The following COQ6 variants were observed in gnomAD, a reference collection of about 807,000 sequenced individuals.
COQ6 encodes coenzyme Q6, monooxygenase.
A neutral mutation model predicts 55.5 loss-of-function variants in COQ6; 45 were observed. The observed-to-expected ratio is 0.81, with a 90% CI of 0.64 to 1.04. The LOEUF is 1.04. Ranked by LOEUF, COQ6 falls within the 50% of genes least tolerant of loss-of-function variation. The pLI is 0.00. For synonymous variants in COQ6, 206 were observed against 230.5 expected, an observed-to-expected ratio of 0.89 and a Z score of 0.96; for missense variants, 550 against 601.3, an observed-to-expected ratio of 0.91 and a Z score of 0.89.
chr14:73,958,861 T>C (rs768973567), intron 5 of COQ6, 110 bp from the exon 6 acceptor site: 11 of 1,551,594 alleles, frequency 7.1e-6, no homozygotes, highest in Non-Finnish European at 9.6e-6. Flanking sequence ...GATGGAATTA[T>C]CCTGCCACAC....
Position 73,959,152 on chromosome 14 carries a change from T to C in COQ6, c.721-10T>C, listed in dbSNP as rs1176399323. ...ACTTCACAGAGAAACTTTTCTCCTC[T>C]CTGTTGCAGGCCACAGAAAACAACG... On this transcript the variant is annotated splice_polypyrimidine_tract_variant and intron_variant, in intron 6 of 11. Coordinates refer to ENST00000334571, the MANE Select transcript of COQ6 (RefSeq NM_182476.3). 3 of 1,614,220 alleles carry C rather than the reference T, an allele frequency of 1.9e-6. No individual in the cohort carries two copies. The highest frequency in any genetic ancestry group is 1.1e-5 in the South Asian group (1 of 91,082).
chr14:73,955,933 G>A lies in COQ6; in HGVS notation c.481+5G>A, dbSNP rs911987664. The A allele has an allele frequency of 6.2e-7, 1 of 1,613,816 alleles. No homozygotes were observed. The highest frequency in any genetic ancestry group is 8.5e-7 in the Non-Finnish European group (1 of 1,180,028). On this transcript the variant is annotated splice_donor_5th_base_variant and intron_variant, in intron 4 of 11. Transcript: ENST00000334571. ...AGCAGTTGGAGGCTGTGTCTGGTGA[G>A]GCCCCCATCTTCCACCTTGCATTCA...
In COQ6 at chr14:73,959,496, T is replaced by G; in HGVS notation, c.865T>G (p.Phe289Val). Residue 289 changes from phenylalanine to valine, a missense_variant, in exon 8 of 12, where the codon TTT (phenylalanine) becomes GTT (valine). Phe to Val is a conservative substitution (Grantham distance 50). Transcript: ENST00000334571. Reference protein sequence around the residue: ...AELVSMDEEKFVDAVNSAFWS... With the variant: ...AELVSMDEEKVVDAVNSAFWS... ...GCTAGTTAGCATGGATGAGGAAAAA[T>G]TTGTGGATGCCGTTAACTCTGCCTT... is the stretch of plus-strand genomic sequence containing the variant. The G allele has an allele frequency of 6.2e-7, 1 of 1,614,106 alleles. No individual in the cohort carries two copies. Among genetic ancestry groups the G allele is most frequent in the Non-Finnish European group, 8.5e-7 (1 of 1,180,014 alleles).
Position 73,961,903 on chromosome 14 carries a change from A to G in COQ6, c.1377A>G (p.Lys459=), listed in dbSNP as rs748908168. ...LQATNAVSPL[K]EQIMAFASK is the part of the protein sequence containing the mutation. Reference sequence around the variant, plus strand: ...CCACAAATGCAGTGTCTCCACTCAAAGTAAGAGGTTGCTCAGAGGAATGAC... The same window carrying G: ...CCACAAATGCAGTGTCTCCACTCAAGGTAAGAGGTTGCTCAGAGGAATGAC... The change falls in exon 11 of 12, where the codon AAA becomes AAG. Residue 459 remains lysine (K), a splice_region_variant and synonymous_variant. Coordinates refer to ENST00000334571, the MANE Select transcript of COQ6 (RefSeq NM_182476.3). The G allele has an allele frequency of 6.2e-7, 1 of 1,614,128 alleles. No homozygotes were observed. Among genetic ancestry groups the G allele is most frequent in the South Asian group, 1.1e-5 (1 of 91,080 alleles).
chr14:73,950,273 C>T (rs2056133398), upstream of COQ6: 1 of 1,539,416 alleles, frequency 6.5e-7, no homozygotes. Flanking sequence ...TGCTCTGCTC[C>T]GGACGCACTA....
chr14:73,961,267 G>A lies in COQ6; in HGVS notation c.986G>A (p.Arg329His), dbSNP rs147273831. 135 of 1,612,672 alleles carry A rather than the reference G, an allele frequency of 8.4e-5. No homozygotes were observed. In the African/African-American group the frequency reaches 1.0e-3, roughly 12 times the overall value. Residue 329 changes from arginine (R) to histidine (H), a missense_variant, in exon 9 of 12, where the codon CGC becomes CAC. Arg to His is a conservative substitution (Grantham distance 29). Transcript: ENST00000334571. ...CTGAAGCCCACTAAGGTCTCGGCTC[G>A]CCAGCTGCCCCCAAGCGTAGCCAGG... The part of the protein sequence containing the change: ...SLLKPTKVSA[R>H]QLPPSVARVD...
intron 2 of COQ6, 43 bp from the exon 3 acceptor site, chr14:73,955,408 T>A: frequency 6.6e-7 from 1 of 1,513,764 alleles, no homozygotes. Context: ...GGAGCCCAGG[T>A]CCTTGTGAAG....
Position 73,959,490 on chromosome 14 carries a change from G to A in COQ6, c.859G>A (p.Glu287Lys), listed in dbSNP as rs17851169. Residue 287 changes from glutamate (E) to lysine (K), a missense_variant, in exon 8 of 12, where the codon GAA (glutamate) becomes AAA (lysine). Physicochemically the swap from Glu to Lys is moderately conservative, Grantham distance 56. Transcript: ENST00000334571. ...AGCAGAGCTAGTTAGCATGGATGAGGAAAAATTTGTGGATGCCGTTAACTC... is the reference window on the plus strand; with the variant it reads ...AGCAGAGCTAGTTAGCATGGATGAGAAAAAATTTGTGGATGCCGTTAACTC... ...HAAELVSMDE[E>K]KFVDAVNSAF... 1 of 1,614,140 alleles carries A rather than the reference G, an allele frequency of 6.2e-7. No individual in the cohort carries two copies.
At chr14:73,952,998 C>T (rs2140365273) in intron 1 of COQ6, among the ~76,000 whole-genome samples, 1 of 152,292 alleles carries the variant, frequency 6.6e-6, no homozygotes, top group South Asian at 2.1e-4. Flanking sequence ...ATTCTTTATT[C>T]TTGGTTTAAT....
At chr14:73,961,033 T>C in intron 8 of COQ6, 140 bp from the exon 9 acceptor site, 1 of 964,774 alleles carries the variant, frequency 1.0e-6, no homozygotes, top group South Asian at 1.4e-5. Flanking sequence ...CTTGAGGGGC[T>C]TATCACTTGT....
intron 3 of COQ6, 86 bp downstream of exon 3, chr14:73,955,595 T>C (rs2056395311): frequency 3.6e-6 from 5 of 1,406,334 alleles, no homozygotes; most frequent in East Asian, 4.6e-5. Flanking sequence ...GTTCTGTGAA[T>C]GTAGGAGGAA....
chr14:73,952,051 C>T (rs1049786906), intron 1 of COQ6, among the ~76,000 whole-genome samples: 1 of 150,346 alleles, frequency 6.7e-6, no homozygotes, highest in African/African-American at 2.4e-5. Context: ...TGTCCCTGTG[C>T]CCCATCCTCC....
At chr14:73,959,701 C>A (rs1468338728) in intron 8 of COQ6, 179 bp downstream of exon 8, 1 of 1,267,092 alleles carries the variant, frequency 7.9e-7, no homozygotes, top group Non-Finnish European at 1.1e-6. Flanking sequence ...TCCTAAGTAG[C>A]TGGGACTACA....
In COQ6 at chr14:73,955,638, G is replaced by A. The variant is rs751788393; in HGVS notation, c.357+129G>A. Reference sequence around the variant, plus strand: ...AGGTTCACATTCAGTCCGAGGAAGTGGGGAGAAGCATTCCCAGGAGAATTT... The same window carrying A: ...AGGTTCACATTCAGTCCGAGGAAGTAGGGAGAAGCATTCCCAGGAGAATTT... On this transcript the variant is annotated intron_variant, in intron 3 of 11. Transcript: ENST00000334571. 4 of 1,341,748 alleles carry A rather than the reference G, an allele frequency of 3.0e-6. No homozygotes were observed. In the Admixed American group the frequency reaches 6.8e-5, roughly 23 times the overall value. 83.1% of individuals were successfully genotyped at this position (1,341,748 alleles called of 1,614,324 possible).
At chr14:73,957,930 T>C in intron 4 of COQ6, 3 of 521,968 alleles carry the variant, frequency 5.7e-6, no homozygotes, top group Non-Finnish European at 1.0e-5. Context: ...TCTGACAGAG[T>C]TCACTGAGAA....
chr14:73,957,336 C>T (rs576113715), intron 4 of COQ6, among the ~76,000 whole-genome samples: 4 of 152,234 alleles, frequency 2.6e-5, no homozygotes, highest in African/African-American at 4.8e-5. Context: ...CCACCCACCT[C>T]GGCCTCCCAA....
intron 8 of COQ6, chr14:73,960,264 C>A: frequency 3.0e-6 from 3 of 986,258 alleles, no homozygotes; most frequent in Non-Finnish European, 3.6e-6. Flanking sequence ...ACTAACTGCT[C>A]AGGATTGAAT....
chr14:73,960,062 T>G, intron 8 of COQ6: 1 of 1,004,086 alleles, frequency 1.0e-6, no homozygotes, highest in Non-Finnish European at 1.2e-6. Context: ...GCCTGGGTGG[T>G]GGTTAGCATT....
chr14:73,956,225 G>T lies in COQ6; in HGVS notation c.481+297G>T. 6 of 353,442 alleles carry T rather than the reference G, an allele frequency of 1.7e-5. 1 individual carries two copies. Among genetic ancestry groups the T allele is most frequent in the South Asian group, 1.1e-4 (5 of 44,110 alleles). 21.9% of individuals were successfully genotyped at this position (353,442 alleles called of 1,614,324 possible). Reference sequence around the variant, plus strand: ...CGCCTATAGACCCAGCTACTTGGGAGGCTGAGGCAGGAGAATGGCGTGAAC... The same window carrying T: ...CGCCTATAGACCCAGCTACTTGGGATGCTGAGGCAGGAGAATGGCGTGAAC... On this transcript the variant is annotated intron_variant, in intron 4 of 11. Transcript: ENST00000334571.
Sources: gnomAD v4.1 joint callset for allele counts (sites outside exome capture counted in the v4.1 genomes callset) on GRCh38, gnomAD v4.1.1 for gene constraint, MANE v1.5 for transcripts, NCBI Gene and HGNC (gene_info 2026-07-23, HGNC 2026-07-21) for gene names.